CHRNA7: variants seen among roughly 807,000 people sequenced by gnomAD.
The protein encoded by CHRNA7 is cholinergic receptor nicotinic alpha 7 subunit, also known as neuronal acetylcholine receptor subunit alpha-7.
CHRNA7 carries 17 observed loss-of-function variants against 48.0 expected under a neutral mutation model. The ratio of observed to expected loss-of-function variants is 0.35; its 90% CI spans 0.24 to 0.53. CHRNA7 has a LOEUF of 0.53. Among genes scored for constraint, CHRNA7 ranks in the 20% least tolerant of loss-of-function variants. The probability of loss-of-function intolerance (pLI) is 0.92; values close to 1 mark genes in which losing one functional copy is unlikely to be tolerated. For synonymous variants in CHRNA7, 75 were observed against 242.3 expected (o/e 0.31, Z 6.41); for missense variants, 155 against 577.7 (o/e 0.27, Z 7.50).
chr15:32,071,945 A>T (rs11071536), intron 2 of CHRNA7, among the ~76,000 whole-genome samples: 122,145 of 152,032 alleles, frequency 0.8, 50,556 homozygotes, highest in Non-Finnish European at 0.91. Flanking sequence ...CTTGAAAATG[A>T]GGAATTAATT....
chr15:32,033,271 G>A (rs1901931647), intron 2 of CHRNA7, among the ~76,000 whole-genome samples: 1 of 152,198 alleles, frequency 6.6e-6, no homozygotes, highest in Non-Finnish European at 1.5e-5. Flanking sequence ...GCTTCAGAGG[G>A]TTTTGAGAGG....
intron 2 of CHRNA7, among the ~76,000 whole-genome samples, chr15:32,066,031 C>A (rs1346783743): frequency 6.6e-6 from 1 of 152,166 alleles, no homozygotes; most frequent in African/African-American, 2.4e-5. Context: ...CTGGCTGTGC[C>A]GAAGATGTGC....
intron 4 of CHRNA7, among the ~76,000 whole-genome samples, chr15:32,145,940 C>A (rs1200846424): frequency 1.3e-5 from 2 of 152,192 alleles, no homozygotes; most frequent in Non-Finnish European, 2.9e-5. Context: ...ACTGTCCAAC[C>A]AGTCCCAATG....
At chr15:32,032,452 C>T (rs1225647712) in intron 2 of CHRNA7, among the ~76,000 whole-genome samples, 2 of 152,106 alleles carry the variant, frequency 1.3e-5, no homozygotes, top group Non-Finnish European at 2.9e-5. Flanking sequence ...TAATAAAATG[C>T]ACACTGTCAG....
At position 32,059,944 on chromosome 15, in the gene CHRNA7, C is replaced by CAAAAAA. The variant is rs34200550; in HGVS notation, c.195+28932_195+28937dup. On this transcript the variant is annotated intron_variant, in intron 2 of 9. Transcript: ENST00000306901. Reference sequence around the variant, plus strand: ...ATCTCTGAAACGCCAAGTAGAAAAGCAAAAAAAAAAAAAAAAAAAAAAAAA... The same window carrying CAAAAAA: ...ATCTCTGAAACGCCAAGTAGAAAAGCAAAAAAAAAAAAAAAAAAAAAAAAAAAAAAA... 5.7e-4 allele frequency among the ~76,000 whole-genome samples: 19 copies of CAAAAAA among 33,060 alleles called. 2 individuals carry two copies. Among genetic ancestry groups the CAAAAAA allele is most frequent in the East Asian group, 2.6e-3 (2 of 758 alleles). 21.7% of individuals were successfully genotyped at this position (33,060 alleles called of 152,430 possible). A position where few individuals can be genotyped will look rare whatever the true frequency, so the allele number is the denominator to read the frequency against.
chr15:32,096,281 T>C (rs897546215), intron 2 of CHRNA7, among the ~76,000 whole-genome samples: 6 of 152,232 alleles, frequency 3.9e-5, no homozygotes, highest in African/African-American at 1.4e-4. Context: ...TATTTATTGA[T>C]ATCCTCTTGG....
chr15:32,054,759 C>A lies in CHRNA7; in HGVS notation c.195+23722C>A, dbSNP rs149816329. 3.7e-3 allele frequency among the ~76,000 whole-genome samples: 570 copies of A among 152,244 alleles called. 4 individuals carry two copies. The highest frequency in any genetic ancestry group is 0.012 in the African/African-American group (501 of 41,544). On this transcript the variant is annotated intron_variant, in intron 2 of 9. Transcript: ENST00000306901. Reference sequence around the variant, plus strand: ...GTCTGTAGCTCTTCTTTCTTCATTTCTATTGTATGAATATAACAACATGTA... The same window carrying A: ...GTCTGTAGCTCTTCTTTCTTCATTTATATTGTATGAATATAACAACATGTA...
In CHRNA7 at chr15:32,122,796, A is replaced by G. The variant is rs952196957; in HGVS notation, c.350+10897A>G. 5.3e-5 allele frequency among the ~76,000 whole-genome samples: 8 copies of G among 151,956 alleles called. No individual in the cohort carries two copies. The East Asian group carries it at 1.4e-3, about 26-fold the overall frequency. ...GCCAATACCATACTGAGAGCTAAGC[A>G]GGGTGAATAAAAAGAGACATATGTC... On this transcript the variant is annotated intron_variant, in intron 4 of 9. Transcript: ENST00000306901.
chr15:32,114,594 C>A lies in CHRNA7; in HGVS notation c.350+2695C>A, dbSNP rs1353718958. Among the ~76,000 whole-genome samples, 7 of 152,188 alleles carry A rather than the reference C, an allele frequency of 4.6e-5. No individual in the cohort carries two copies. The South Asian group carries it at 1.0e-3, about 23-fold the overall frequency. On this transcript the variant is annotated intron_variant, in intron 4 of 9. Transcript: ENST00000306901. ...CCTGAGACATGGAATGTAGGACTTT[C>A]TTTTTGAAGTAACTACTAAATATAT...
intron 4 of CHRNA7, among the ~76,000 whole-genome samples, chr15:32,116,195 A>G (rs779171131): frequency 1.3e-5 from 2 of 152,194 alleles, no homozygotes; most frequent in Non-Finnish European, 2.9e-5. Flanking sequence ...AGCAGTGTTG[A>G]TGTAGCTCAG....
chr15:32,089,879 C>G (rs2050355400), intron 2 of CHRNA7, among the ~76,000 whole-genome samples: 1 of 152,176 alleles, frequency 6.6e-6, no homozygotes, highest in African/African-American at 2.4e-5. Flanking sequence ...ATAGCTTTAA[C>G]TGCCAGAGCC....
At chr15:32,148,601 AG>A (rs1455054304) in intron 4 of CHRNA7, among the ~76,000 whole-genome samples, 1 of 152,154 alleles carries the variant, frequency 6.6e-6, no homozygotes, top group African/African-American at 2.4e-5. Flanking sequence ...ACCCACCCAC[AG>A]GGTCCACCTG....
intron 2 of CHRNA7, among the ~76,000 whole-genome samples, chr15:32,054,403 TCG>T (rs2141193963): frequency 7.2e-6 from 1 of 138,270 alleles, no homozygotes; most frequent in African/African-American, 2.9e-5. Flanking sequence ...TAAAGGTCTC[TCG>T]TAGAGAGACA....
intron 3 of CHRNA7, chr15:32,111,433 G>A (rs573929466): frequency 2.2e-5 from 4 of 179,702 alleles, no homozygotes; most frequent in Non-Finnish European, 3.4e-5. Flanking sequence ...TCCTTTTTTC[G>A]AAGTATTCTT....
chr15:32,145,363 T>C (rs2051466310), intron 4 of CHRNA7, among the ~76,000 whole-genome samples: 1 of 152,194 alleles, frequency 6.6e-6, no homozygotes, highest in Non-Finnish European at 1.5e-5. Flanking sequence ...CCAGTCAGGC[T>C]ACACGGGGGT....
intron 2 of CHRNA7, among the ~76,000 whole-genome samples, chr15:32,049,752 T>A (rs1442346351): frequency 6.6e-6 from 1 of 152,222 alleles, no homozygotes; most frequent in African/African-American, 2.4e-5. Flanking sequence ...CCATGGTCTT[T>A]ACATTTTGGC....
Position 32,084,070 on chromosome 15 carries a change from C to T in CHRNA7, c.196-17233C>T, listed in dbSNP as rs376345174. 3.9e-5 allele frequency among the ~76,000 whole-genome samples: 6 copies of T among 152,086 alleles called. No individual in the cohort carries two copies. In the East Asian group the frequency reaches 9.6e-4, roughly 24 times the overall value. ...CTGTTTGATTAATTAGAATGAACTG[C>T]CAAGGTGTTTCTGGACACCAGTAAT... On this transcript the variant is annotated intron_variant, in intron 2 of 9. Coordinates refer to ENST00000306901, the MANE Select transcript of CHRNA7 (RefSeq NM_000746.6).
intron 2 of CHRNA7, among the ~76,000 whole-genome samples, chr15:32,064,075 GTTTCT>G (rs1192265431): frequency 6.6e-6 from 1 of 152,188 alleles, no homozygotes; most frequent in East Asian, 1.9e-4. Context: ...GAATTTTGTT[GTTTCT>G]TTTCTTATTC....
intron 2 of CHRNA7, among the ~76,000 whole-genome samples, chr15:32,049,357 A>T (rs28820113): frequency 3.4e-4 from 51 of 151,780 alleles, no homozygotes; most frequent in Admixed American, 2.0e-3. Context: ...ATATTTAGGA[A>T]AGTTAGCTCT....
Sources: allele counts gnomAD v4.1 joint callset (sites outside exome capture counted in the v4.1 genomes callset), GRCh38; gene constraint gnomAD v4.1.1; transcripts MANE v1.5; gene names NCBI Gene and HGNC (gene_info 2026-07-23, HGNC 2026-07-21).